Variants in CTC1 observed in about 807,000 individuals in gnomAD.
The protein encoded by CTC1 is CST telomere replication complex component 1.
Under a neutral mutation model 136.3 loss-of-function variants are expected in CTC1, and 91 were observed. The observed-to-expected ratio is 0.67, with a 90% CI of 0.56 to 0.79. CTC1 has a LOEUF of 0.79. Among genes scored for constraint, CTC1 ranks in the 30% least tolerant of loss-of-function variants. CTC1 has a pLI of 0.00. For missense variants in CTC1, 1,432 were observed against 1,498.1 expected, an observed-to-expected ratio of 0.96 and a Z score of 0.73; for synonymous variants, 606 against 613.8, an observed-to-expected ratio of 0.99 and a Z score of 0.19.
At chr17:8,245,771 A>C (rs1191919849) in intron 1 of CTC1, among the ~76,000 whole-genome samples, 2 of 152,142 alleles carry the variant, frequency 1.3e-5, no homozygotes, top group Non-Finnish European at 2.9e-5. Flanking sequence ...CCGTCTCTAC[A>C]AAAAAGAAAA....
intron 11 of CTC1, 157 bp downstream of exon 11, chr17:8,232,749 G>A: frequency 9.9e-7 from 1 of 1,006,822 alleles, no homozygotes; most frequent in East Asian, 2.4e-5. Context: ...TCTTGCTCCT[G>A]TTCTCTGCCT....
chr17:8,230,735 G>A (rs2151505052), intron 15 of CTC1, 84 bp from the exon 16 acceptor site: 1 of 1,165,428 alleles, frequency 8.6e-7, no homozygotes, highest in African/African-American at 1.5e-5. Context: ...AGAAAATGGA[G>A]CTAAAGTATC....
intron 2 of CTC1, among the ~76,000 whole-genome samples, chr17:8,240,319 T>TA (rs768182914): frequency 3.0e-4 from 46 of 151,710 alleles, no homozygotes; most frequent in Non-Finnish European, 5.6e-4. Flanking sequence ...CATGCCTGGC[T>TA]AATTTTTTGT....
At chr17:8,232,659 G>A in intron 11 of CTC1, 184 bp from the exon 12 acceptor site, 1 of 673,536 alleles carries the variant, frequency 1.5e-6, no homozygotes, top group South Asian at 1.8e-5. Flanking sequence ...TAAGAATGTA[G>A]GAGACACAGT....
chr17:8,230,611 A>T lies in CTC1; in HGVS notation c.2710T>A (p.Ser904Thr), dbSNP rs367970050. Residue 904 changes from serine to threonine, a missense_variant, in exon 16 of 23, where the codon TCA becomes ACA. Physicochemically the swap from Ser to Thr is moderately conservative, Grantham distance 58. Coordinates refer to ENST00000651323, the MANE Select transcript of CTC1 (RefSeq NM_025099.6). ...ACAAGGGGTTCACATAGTGTCCGTG[A>T]CAAAATCTCAGCGGAGAAAGACACC... ...SLVSFSAEILSRTLCEPLVAS... is the reference protein window; with the variant it reads ...SLVSFSAEILTRTLCEPLVAS... 3 of 1,614,112 alleles carry T rather than the reference A, an allele frequency of 1.9e-6. No homozygotes were observed. In the African/African-American group the frequency reaches 4.0e-5, roughly 22 times the overall value.
chr17:8,230,598 CAT>C lies in CTC1; in HGVS notation c.2721_2722del (p.Cys908Ter), dbSNP rs1406389014. ...CCAGAGAGACGCCACAAGGGGTTCACATAGTGTCCGTGACAAAATCTCAGCGG... is the reference window on the plus strand; with the variant it reads ...CCAGAGAGACGCCACAAGGGGTTCACAGTGTCCGTGACAAAATCTCAGCGG... On this transcript the variant is annotated frameshift_variant, in exon 16 of 23. Coordinates refer to ENST00000651323, the MANE Select transcript of CTC1 (RefSeq NM_025099.6). LOFTEE classifies it high-confidence loss of function. The C allele has an allele frequency of 6.2e-7, 1 of 1,614,130 alleles. No individual in the cohort carries two copies. The highest frequency in any genetic ancestry group is 1.7e-5 in the Admixed American group (1 of 60,014).
At chr17:8,247,786 G>A (rs1256682236) in intron 1 of CTC1, 3 of 587,598 alleles carry the variant, frequency 5.1e-6, no homozygotes, top group Admixed American at 3.0e-5. Flanking sequence ...GAGAGTGAAC[G>A]GAGACCAGTT....
intron 1 of CTC1, among the ~76,000 whole-genome samples, chr17:8,246,325 C>T (rs113578840): frequency 1.4e-3 from 211 of 151,200 alleles, no homozygotes; most frequent in African/African-American, 4.9e-3. Flanking sequence ...ATGGGTTTAA[C>T]AGCCATGGCC....
intron 2 of CTC1, among the ~76,000 whole-genome samples, chr17:8,241,188 T>C (rs897588661): frequency 1.3e-5 from 2 of 151,900 alleles, no homozygotes; most frequent in African/African-American, 4.8e-5. Context: ...CTTGGTAGGC[T>C]GAGACAGGAG....
At chr17:8,238,800 A>G (rs1320480825) in intron 2 of CTC1, among the ~76,000 whole-genome samples, 171 bp from the exon 3 acceptor site, 2 of 152,178 alleles carry the variant, frequency 1.3e-5, no homozygotes, top group Non-Finnish European at 2.9e-5. Flanking sequence ...GCCTAAGAAA[A>G]TAAGGATGGG....
intron 20 of CTC1, 64 bp downstream of exon 20, chr17:8,229,078 C>G: frequency 1.3e-6 from 2 of 1,551,142 alleles, no homozygotes; most frequent in East Asian, 2.3e-5. Context: ...AATGTAGAAA[C>G]TGCAGATAGA....
chr17:8,229,006 G>A, intron 20 of CTC1, 114 bp from the exon 21 acceptor site: 2 of 1,475,076 alleles, frequency 1.4e-6, no homozygotes, highest in East Asian at 2.3e-5. Context: ...AGATTTAGGA[G>A]CTTACCCTCA....
chr17:8,238,984 T>C (rs1987988673), intron 2 of CTC1, among the ~76,000 whole-genome samples: 1 of 148,718 alleles, frequency 6.7e-6, no homozygotes, highest in Non-Finnish European at 1.5e-5. Context: ...CCCAGTTTCT[T>C]GGGATGCTGA....
chr17:8,228,586 G>C lies in CTC1; in HGVS notation c.3431C>G (p.Thr1144Arg). The change falls in exon 22 of 23, where the codon ACA becomes AGA. Residue 1144 changes from threonine (T) to arginine (R), a missense_variant. Physicochemically the swap from Thr to Arg is moderately conservative, Grantham distance 71. Transcript: ENST00000651323. The stretch of plus-strand genomic sequence containing the variant: ...GAGGACAGAGGGGCTAGTACAAAGT[G>C]TCCAGAGGAACATGGTCATGGGCTC... Reference protein sequence around the residue: ...VDEPMTMFLWTLCTSPSVLRP... With the variant: ...VDEPMTMFLWRLCTSPSVLRP... The C allele has an allele frequency of 6.2e-7, 1 of 1,614,156 alleles. No homozygotes were observed. Among genetic ancestry groups the C allele is most frequent in the Non-Finnish European group, 8.5e-7 (1 of 1,180,016 alleles).
At position 8,226,256 on chromosome 17, in the gene CTC1, C is replaced by G. The variant is rs1465272730; in HGVS notation, c.*1924G>C. 2.0e-5 allele frequency: 3 copies of G among 152,276 alleles called. No individual in the cohort carries two copies. The highest frequency in any genetic ancestry group is 6.5e-5 in the Admixed American group (1 of 15,276). The allele number at this position is 152,276 out of a possible 1,614,324, so 9.4% of individuals were successfully genotyped here. A position where few individuals can be genotyped will look rare whatever the true frequency, so the allele number is the denominator to read the frequency against. ...ATAAAGGCACCGCTGGGATTCGAAC[C>G]CAGGATCTCCTGTTTACTAGACAGG... On this transcript the variant is annotated 3_prime_UTR_variant, in exon 23 of 23. Transcript: ENST00000651323.
chr17:8,227,016 G>A lies in CTC1; in HGVS notation c.*1164C>T, dbSNP rs955066686. On this transcript the variant is annotated 3_prime_UTR_variant, in exon 23 of 23. Transcript: ENST00000651323. ...TGGCCCGTACGGGGTTCGAACCCGC[G>A]ACCTTGGCGTTATTAGCACCACGCT... 3.3e-5 allele frequency: 5 copies of A among 152,236 alleles called. No homozygotes were observed. The highest frequency in any genetic ancestry group is 4.9e-5 in the African/African-American group (2 of 41,138). The allele number at this position is 152,236 out of a possible 1,614,324, so 9.4% of individuals were successfully genotyped here.
chr17:8,228,339 A>C lies in CTC1; in HGVS notation c.3515-20T>G, dbSNP rs1986891636. The C allele has an allele frequency of 6.2e-7, 1 of 1,612,518 alleles. No homozygotes were observed. The highest frequency in any genetic ancestry group is 1.3e-5 in the African/African-American group (1 of 74,864). Reference sequence around the variant, plus strand: ...GAGGTTCTGAGGTGGGAAGAGAGGAAAAACACACGTCTCAGGCATGTGGCT... The same window carrying C: ...GAGGTTCTGAGGTGGGAAGAGAGGACAAACACACGTCTCAGGCATGTGGCT... On this transcript the variant is annotated intron_variant, in intron 22 of 22. Coordinates refer to ENST00000651323, the MANE Select transcript of CTC1 (RefSeq NM_025099.6).
intron 1 of CTC1, among the ~76,000 whole-genome samples, chr17:8,245,212 C>T (rs62063136): frequency 0.085 from 12,982 of 152,006 alleles, 885 homozygotes; most frequent in African/African-American, 0.18. Context: ...ACAGGGGTGA[C>T]GAAATAATCT....
intron 11 of CTC1, 161 bp from the exon 12 acceptor site, chr17:8,232,636 C>T (rs1469703659): frequency 1.0e-5 from 7 of 674,538 alleles, no homozygotes; most frequent in Non-Finnish European, 1.8e-5. Flanking sequence ...GGGGTGACAC[C>T]TTCTCTCCAA....
Sources: gnomAD v4.1 joint callset for allele counts (sites outside exome capture counted in the v4.1 genomes callset) on GRCh38, gnomAD v4.1.1 for gene constraint, MANE v1.5 for transcripts, NCBI Gene and HGNC (gene_info 2026-07-23, HGNC 2026-07-21) for gene names.